VPS13B: variants seen among roughly 807,000 people sequenced by gnomAD.
VPS13B encodes vacuolar protein sorting 13 homolog B, also known as intermembrane lipid transfer protein VPS13B.
VPS13B carries 285 observed loss-of-function variants against 426.4 expected under a neutral mutation model. The observed-to-expected ratio is 0.67, with a 90% confidence interval of 0.61 to 0.74. The LOEUF is 0.74. Among genes scored for constraint, VPS13B ranks in the 30% least tolerant of loss-of-function variants. VPS13B has a pLI of 0.00. For synonymous variants in VPS13B, 1,676 were observed against 1,676.4 expected (o/e 1.00, Z 0.01); for missense variants, 4,537 against 4,782.6 (o/e 0.95, Z 1.51).
chr8:99,134,955 A>T (rs1809997529), intron 9 of VPS13B, 60 bp from the exon 10 acceptor site: 1 of 1,593,684 alleles, frequency 6.3e-7, no homozygotes, highest in South Asian at 1.1e-5. Flanking sequence ...CTACAAGGAA[A>T]GCCTCTAACA....
chr8:99,370,652 C>T (rs898138315), intron 19 of VPS13B, among the ~76,000 whole-genome samples: 9 of 144,594 alleles, frequency 6.2e-5, no homozygotes, highest in Middle Eastern at 7.4e-3. Context: ...CTCTGTCACC[C>T]AGGCTCAAGT....
intron 19 of VPS13B, among the ~76,000 whole-genome samples, chr8:99,355,363 C>T (rs527779414): frequency 2.0e-5 from 3 of 152,202 alleles, no homozygotes; most frequent in Non-Finnish European, 2.9e-5. Context: ...GAGGCCGAGG[C>T]GGGTAGATCA....
rs191485895 is a variant in VPS13B, at chr8:99,128,807, C to T, written c.1207-5825C>T. 5.3e-5 allele frequency among the ~76,000 whole-genome samples: 8 copies of T among 152,100 alleles called. No homozygotes were observed. The East Asian group carries it at 1.4e-3, about 26-fold the overall frequency. On this transcript the variant is annotated intron_variant, in intron 8 of 61. Coordinates refer to ENST00000357162, the MANE Select transcript of VPS13B (RefSeq NM_152564.5). ...GATTTTCTTTGTATTAGTACTAAAG[C>T]TACACAATTTATAACTACAACAGAT...
intron 17 of VPS13B, among the ~76,000 whole-genome samples, chr8:99,214,258 A>G (rs1282860451): frequency 1.3e-5 from 2 of 152,120 alleles, no homozygotes; most frequent in African/African-American, 4.8e-5. Context: ...TTATCCTACA[A>G]TGGTAGGGTT....
At position 99,170,048 on chromosome 8, in the gene VPS13B, T is replaced by G; in HGVS notation, c.2218T>G (p.Phe740Val). The G allele has an allele frequency of 6.2e-7, 1 of 1,612,770 alleles. No individual in the cohort carries two copies. Among genetic ancestry groups the G allele is most frequent in the Non-Finnish European group, 8.5e-7 (1 of 1,178,894 alleles). The stretch of plus-strand genomic sequence containing the variant: ...TTTCTTTTTGTTTTAGATATTTGGT[T>G]TCCAGGCAGGACTGACGTCTTTGGA... ...YVHCYLKIFGFQAGLTSLDCS... is the reference protein window; with the variant it reads ...YVHCYLKIFGVQAGLTSLDCS... The change falls in exon 16 of 62, where the codon TTC becomes GTC. Residue 740 changes from phenylalanine (F) to valine (V), a missense_variant. Transcript: ENST00000357162.
At chr8:99,754,656 G>A (rs78222377) in intron 39 of VPS13B, among the ~76,000 whole-genome samples, 6,999 of 152,180 alleles carry the variant, frequency 0.046, 173 homozygotes, top group African/African-American at 0.062. Context: ...CCAGCCATCA[G>A]TTTAAAACTC....
intron 22 of VPS13B, among the ~76,000 whole-genome samples, chr8:99,437,437 G>T (rs1817442106): frequency 6.6e-6 from 1 of 151,498 alleles, no homozygotes; most frequent in South Asian, 2.1e-4. Context: ...GAACTTTGGG[G>T]CCAGGCACGG....
intron 17 of VPS13B, among the ~76,000 whole-genome samples, chr8:99,273,282 C>T (rs567991498): frequency 6.6e-6 from 1 of 151,876 alleles, no homozygotes; most frequent in East Asian, 1.9e-4. Flanking sequence ...CCTCAGCCTC[C>T]CGAGCAGCTC....
At chr8:99,095,040 G>A (rs143487013) in intron 3 of VPS13B, among the ~76,000 whole-genome samples, 1 of 152,010 alleles carries the variant, frequency 6.6e-6, no homozygotes, top group Non-Finnish European at 1.5e-5. Flanking sequence ...TTTTCTCTTC[G>A]TAATGCCTAT....
At chr8:99,173,974 A>G (rs564090194) in intron 16 of VPS13B, among the ~76,000 whole-genome samples, 1 of 152,354 alleles carries the variant, frequency 6.6e-6, no homozygotes, top group South Asian at 2.1e-4. Flanking sequence ...AGCATTAAGT[A>G]CATTCACATT....
intron 3 of VPS13B, among the ~76,000 whole-genome samples, chr8:99,071,162 T>G (rs1304125626): frequency 6.6e-6 from 1 of 152,080 alleles, no homozygotes. Context: ...TGTTTGTTGG[T>G]TTTTGGGCAT....
At position 99,831,484 on chromosome 8, in the gene VPS13B, T is replaced by G. The variant is rs34970068; in HGVS notation, c.9331-885T>G. Among the ~76,000 whole-genome samples the G allele has an allele frequency of 7.9e-3, 1,210 of 152,354 alleles. 10 individuals are homozygous for G. The highest frequency in any genetic ancestry group is 0.014 in the Middle Eastern group (4 of 294). ...AGTATTATCTTTCTTTACCTTTGTC[T>G]GCACTTTTACCTCCTGCTTTCAGCT... On this transcript the variant is annotated intron_variant, in intron 51 of 61. Transcript: ENST00000357162.
intron 2 of VPS13B, among the ~76,000 whole-genome samples, chr8:99,014,988 G>A (rs187313852): frequency 6.6e-6 from 1 of 152,074 alleles, no homozygotes; most frequent in Admixed American, 6.5e-5. Context: ...CTTTTTAGGA[G>A]ATAAGGGAAG....
In VPS13B at chr8:99,782,006, A is replaced by T. The variant is rs191921271; in HGVS notation, c.7780-2309A>T. On this transcript the variant is annotated intron_variant, in intron 42 of 61. Transcript: ENST00000357162. ...TTCCAGTTTGATTGAAGGTTTGTAG[A>T]TAAATATATAAAAAAGGATTGGATA... 3.3e-5 allele frequency among the ~76,000 whole-genome samples: 5 copies of T among 152,342 alleles called. No homozygotes were observed. In the East Asian group the frequency reaches 5.8e-4, roughly 18 times the overall value.
rs1014579158 is a variant in VPS13B at position 99,875,567 on chromosome 8, T to A, written c.11895T>A (p.Val3965=). Reference sequence around the variant, plus strand: ...CTGCAGAACCTCCCCCCTCCACTGTTAAAACATACCATTACCTGGTTGATC... The same window carrying A: ...CTGCAGAACCTCCCCCCTCCACTGTAAAAACATACCATTACCTGGTTGATC... The part of the protein sequence containing the change: ...VVAAEPPPST[V]KTYHYLVDPH... Residue 3965 remains valine (V), a synonymous_variant, in exon 62 of 62, where the codon GTT becomes GTA. Coordinates refer to ENST00000357162, the MANE Select transcript of VPS13B (RefSeq NM_152564.5). 4 of 1,614,192 alleles carry A rather than the reference T, an allele frequency of 2.5e-6. No individual in the cohort carries two copies. Among genetic ancestry groups the A allele is most frequent in the Non-Finnish European group, 2.5e-6 (3 of 1,180,036 alleles).
intron 19 of VPS13B, among the ~76,000 whole-genome samples, chr8:99,345,809 C>T (rs1811504624): frequency 6.6e-6 from 1 of 152,180 alleles, no homozygotes; most frequent in Admixed American, 6.5e-5. Flanking sequence ...CTGAATCAAA[C>T]TGAAAACCGG....
At chr8:99,622,488 A>G (rs1354548233) in intron 33 of VPS13B, among the ~76,000 whole-genome samples, 2 of 152,354 alleles carry the variant, frequency 1.3e-5, no homozygotes, top group Non-Finnish European at 2.9e-5. Flanking sequence ...CCCCAGTGAG[A>G]GAAGTAGTAT....
intron 33 of VPS13B, among the ~76,000 whole-genome samples, chr8:99,590,170 G>A (rs1352883395): frequency 6.6e-6 from 1 of 152,078 alleles, no homozygotes; most frequent in African/African-American, 2.4e-5. Context: ...ATTTCTGTGG[G>A]ATCAGTGGTG....
At chr8:99,716,720 G>C (rs1262108400) in intron 36 of VPS13B, among the ~76,000 whole-genome samples, 1 of 152,094 alleles carries the variant, frequency 6.6e-6, no homozygotes, top group Non-Finnish European at 1.5e-5. Flanking sequence ...TATTTTGATT[G>C]TTTTGAATTT....
Sources: gnomAD v4.1 joint callset for allele counts (sites outside exome capture counted in the v4.1 genomes callset) on GRCh38, gnomAD v4.1.1 for gene constraint, MANE v1.5 for transcripts, NCBI Gene and HGNC (gene_info 2026-07-23, HGNC 2026-07-21) for gene names.